The following MINDY3 variants were observed in gnomAD, a reference collection of about 807,000 sequenced individuals.
The protein encoded by MINDY3 is ubiquitin carboxyl-terminal hydrolase MINDY-3.
A neutral mutation model predicts 69.2 loss-of-function variants in MINDY3; 38 were observed. The ratio of observed to expected loss-of-function variants is 0.55; its 90% CI spans 0.42 to 0.72. The LOEUF is 0.72. MINDY3 is among the 30% of genes least tolerant of loss of function. The probability of loss-of-function intolerance (pLI) is 0.00; values close to 1 mark genes in which losing one functional copy is unlikely to be tolerated. For synonymous variants in MINDY3, 192 were observed against 180.1 expected, an observed-to-expected ratio of 1.07 and a Z score of -0.53; for missense variants, 522 against 519.0, an observed-to-expected ratio of 1.01 and a Z score of -0.06.
chr10:15,805,001 C>T (rs192022277), intron 10 of MINDY3, among the ~76,000 whole-genome samples: 19 of 152,274 alleles, frequency 1.2e-4, no homozygotes, highest in African/African-American at 4.1e-4. Context: ...AGCCCTCTGA[C>T]GTTCTTCCTC....
At chr10:15,838,482 A>C (rs1216388147) in intron 4 of MINDY3, among the ~76,000 whole-genome samples, 2 of 151,794 alleles carry the variant, frequency 1.3e-5, no homozygotes, top group African/African-American at 4.8e-5. Context: ...AATCGATATA[A>C]TACTGAGAAT....
intron 2 of MINDY3, among the ~76,000 whole-genome samples, chr10:15,847,203 T>C (rs74126624): frequency 0.014 from 2,136 of 152,320 alleles, 17 homozygotes; most frequent in South Asian, 0.025. Context: ...AAACTGAGAA[T>C]TCAATTCTTG....
rs1834228362 is a variant in MINDY3, at chr10:15,850,808, A to C, written c.95-2865T>G. Among the ~76,000 whole-genome samples the C allele has an allele frequency of 2.0e-5, 3 of 152,138 alleles. 1 individual carries two copies. In the South Asian group the frequency reaches 6.2e-4, roughly 32 times the overall value. On this transcript the variant is annotated intron_variant, in intron 1 of 14. Coordinates refer to ENST00000277632, the MANE Select transcript of MINDY3 (RefSeq NM_024948.4). ...AAGCATGTGATCTCAGCTAATAAAA[A>C]CTTGCTGGTTTTGCGGCTCAGGGGG...
chr10:15,788,192 A>G (rs1837120447), intron 12 of MINDY3, among the ~76,000 whole-genome samples: 1 of 152,170 alleles, frequency 6.6e-6, no homozygotes, highest in Non-Finnish European at 1.5e-5. Context: ...CTCTACTTGG[A>G]AATAAAGTTA....
At chr10:15,839,588 G>C (rs1833320160) in intron 4 of MINDY3, among the ~76,000 whole-genome samples, 1 of 151,488 alleles carries the variant, frequency 6.6e-6, no homozygotes, top group Admixed American at 6.6e-5. Context: ...ATAATTTAGA[G>C]AAAAGAGGCA....
intron 4 of MINDY3, 84 bp from the exon 5 acceptor site, chr10:15,838,363 G>A (rs1270784250): frequency 4.9e-6 from 6 of 1,234,624 alleles, no homozygotes; most frequent in Non-Finnish European, 6.5e-6. Context: ...ATACTTTCAA[G>A]CAATCAAAAC....
intron 1 of MINDY3, among the ~76,000 whole-genome samples, chr10:15,859,529 T>G (rs1370307785): frequency 6.6e-6 from 1 of 152,182 alleles, no homozygotes; most frequent in Non-Finnish European, 1.5e-5. Context: ...TCATTATTAT[T>G]TGTACTAAGA....
intron 9 of MINDY3, among the ~76,000 whole-genome samples, chr10:15,820,898 T>C (rs189817597): frequency 1.6e-3 from 249 of 152,206 alleles, no homozygotes; most frequent in Admixed American, 4.4e-3. Flanking sequence ...TAACTTGAGG[T>C]CAAGAGTTTG....
chr10:15,832,753 G>A (rs1020735034), intron 8 of MINDY3, among the ~76,000 whole-genome samples: 2 of 152,072 alleles, frequency 1.3e-5, no homozygotes, highest in Non-Finnish European at 1.5e-5. Context: ...TAATTTTACT[G>A]ATTTTTTCCT....
intron 3 of MINDY3, among the ~76,000 whole-genome samples, chr10:15,842,071 CAT>C (rs1177000031): frequency 6.6e-6 from 1 of 151,742 alleles, no homozygotes; most frequent in East Asian, 1.9e-4. Flanking sequence ...ACCGTCAGCA[CAT>C]ATGTTACCAA....
intron 10 of MINDY3, among the ~76,000 whole-genome samples, chr10:15,801,426 T>C (rs1379111313): frequency 6.6e-6 from 1 of 152,144 alleles, no homozygotes; most frequent in African/African-American, 2.4e-5. Context: ...GTTCTATCAA[T>C]GCTGTGTACC....
At chr10:15,817,451 A>C (rs1177663845) in intron 9 of MINDY3, 1 of 152,510 alleles carries the variant, frequency 6.6e-6, no homozygotes, top group Non-Finnish European at 1.5e-5. Flanking sequence ...GGTAGGTTCA[A>C]AGTTTCACAG....
intron 10 of MINDY3, among the ~76,000 whole-genome samples, chr10:15,809,700 T>C (rs1021289782): frequency 2.0e-5 from 3 of 152,140 alleles, no homozygotes; most frequent in African/African-American, 7.2e-5. Context: ...CCTATAAGGT[T>C]CCTGAAGTTA....
At chr10:15,847,140 T>C (rs1833906514) in intron 2 of MINDY3, among the ~76,000 whole-genome samples, 1 of 152,220 alleles carries the variant, frequency 6.6e-6, no homozygotes, top group Non-Finnish European at 1.5e-5. Context: ...ACAGTTCTTT[T>C]ATAACACTTC....
chr10:15,808,441 C>T (rs951859140), intron 10 of MINDY3, among the ~76,000 whole-genome samples: 7 of 152,210 alleles, frequency 4.6e-5, no homozygotes, highest in South Asian at 2.1e-4. Context: ...AGAGAAATGT[C>T]GATGTAGAAC....
intron 8 of MINDY3, 73 bp from the exon 9 acceptor site, chr10:15,821,799 C>T (rs1839786674): frequency 1.7e-6 from 2 of 1,168,068 alleles, no homozygotes; most frequent in Non-Finnish European, 2.5e-6. Flanking sequence ...TTGAAACGTA[C>T]TTATATGTAT....
At chr10:15,799,388 C>T (rs1051286782) in intron 10 of MINDY3, among the ~76,000 whole-genome samples, 16 of 151,588 alleles carry the variant, frequency 1.1e-4, no homozygotes, top group African/African-American at 2.9e-4. Context: ...TAGTAGAGAC[C>T]GGGTTTCACT....
intron 1 of MINDY3, among the ~76,000 whole-genome samples, chr10:15,850,094 C>T (rs531324541): frequency 6.6e-6 from 1 of 152,304 alleles, no homozygotes; most frequent in South Asian, 2.1e-4. Flanking sequence ...CCTGTCTTTA[C>T]TGCAATCTCT....
At chr10:15,792,593 A>G (rs1196260206) in intron 11 of MINDY3, among the ~76,000 whole-genome samples, 2 of 152,088 alleles carry the variant, frequency 1.3e-5, no homozygotes, top group Non-Finnish European at 2.9e-5. Context: ...GGAGTGGTGT[A>G]TATTAAGCTC....
Sources: allele counts gnomAD v4.1 joint callset (sites outside exome capture counted in the v4.1 genomes callset), GRCh38; gene constraint gnomAD v4.1.1; transcripts MANE v1.5; gene names NCBI Gene and HGNC (gene_info 2026-07-23, HGNC 2026-07-21).